REV3L: variants seen among roughly 807,000 people sequenced by gnomAD.
REV3L encodes REV3 like, DNA directed polymerase zeta catalytic subunit.
Under a neutral mutation model 299.4 loss-of-function variants are expected in REV3L, and 69 were observed. That is an observed-to-expected ratio of 0.23 (90% confidence interval 0.19 to 0.28). REV3L has a LOEUF of 0.28. REV3L is among the 10% of genes least tolerant of loss of function. The probability of loss-of-function intolerance (pLI) is 1.00; values close to 1 mark genes in which losing one functional copy is unlikely to be tolerated. For synonymous variants in REV3L, 1,238 were observed against 1,271.4 expected (o/e 0.97, Z 0.56); for missense variants, 3,128 against 3,693.8 (o/e 0.85, Z 3.97).
chr6:111,434,705 A>C (rs765430689), intron 1 of REV3L, among the ~76,000 whole-genome samples: 15 of 152,144 alleles, frequency 9.9e-5, no homozygotes, highest in Non-Finnish European at 1.8e-4. Context: ...ATATACACCA[A>C]CAGCAAACAA....
At chr6:111,425,558 G>A (rs915213942) in intron 1 of REV3L, among the ~76,000 whole-genome samples, 4 of 152,128 alleles carry the variant, frequency 2.6e-5, no homozygotes, top group African/African-American at 9.6e-5. Context: ...TGGGTAGAGA[G>A]GAATCTAACT....
Position 111,351,548 on chromosome 6 carries a change from A to G in REV3L, c.7300+128T>C, listed in dbSNP as rs984004919. ...TTTTTCTACAATGGAGTTATGCTAT[A>G]TCTAAAACTTACACAACTTAGTACT... On this transcript the variant is annotated intron_variant, in intron 19 of 31. Coordinates refer to ENST00000368802, the MANE Select transcript of REV3L (RefSeq NM_001372078.1). 12 of 574,572 alleles carry G rather than the reference A, an allele frequency of 2.1e-5. No individual in the cohort carries two copies. The South Asian group carries it at 3.1e-4, about 15-fold the overall frequency. 35.6% of individuals were successfully genotyped at this position (574,572 alleles called of 1,614,324 possible).
chr6:111,406,292 C>T (rs540630104), intron 3 of REV3L, among the ~76,000 whole-genome samples: 1 of 152,212 alleles, frequency 6.6e-6, no homozygotes, highest in South Asian at 2.1e-4. Flanking sequence ...CACGAGAAAA[C>T]ACGGCTTATT....
At chr6:111,477,775 A>G (rs1473218695) in intron 1 of REV3L, among the ~76,000 whole-genome samples, 4 of 152,236 alleles carry the variant, frequency 2.6e-5, no homozygotes, top group African/African-American at 9.6e-5. Flanking sequence ...GGGTGATGTA[A>G]TCAGGTTTGC....
intron 1 of REV3L, among the ~76,000 whole-genome samples, chr6:111,450,504 A>AAC (rs1789396004): frequency 6.7e-6 from 1 of 149,826 alleles, no homozygotes; most frequent in African/African-American, 2.4e-5. Context: ...AAAAAAAAAA[A>AAC]AACCAAAAAA....
At chr6:111,351,915 G>A in intron 18 of REV3L, 124 bp from the exon 19 acceptor site, 1 of 585,798 alleles carries the variant, frequency 1.7e-6, no homozygotes, top group Admixed American at 3.2e-5. Flanking sequence ...GTGCCCAGAT[G>A]GAGAAGGGAT....
intron 22 of REV3L, 119 bp downstream of exon 22, chr6:111,335,350 C>T (rs1309301639): frequency 9.1e-7 from 1 of 1,097,462 alleles, no homozygotes; most frequent in African/African-American, 1.6e-5. Context: ...GATTTAATTA[C>T]CCAGCTATTG....
At chr6:111,328,095 G>A (rs1775024256) in intron 25 of REV3L, among the ~76,000 whole-genome samples, 1 of 151,870 alleles carries the variant, frequency 6.6e-6, no homozygotes, top group South Asian at 2.1e-4. Flanking sequence ...ACACTATATT[G>A]TATTTGTATC....
At chr6:111,414,168 C>T (rs1784534080) in intron 2 of REV3L, among the ~76,000 whole-genome samples, 1 of 151,912 alleles carries the variant, frequency 6.6e-6, no homozygotes, top group Admixed American at 6.6e-5. Flanking sequence ...AAATAATGGG[C>T]TGAGATACAG....
intron 18 of REV3L, chr6:111,356,675 T>C (rs1342736817): frequency 1.3e-5 from 2 of 156,498 alleles, no homozygotes; most frequent in African/African-American, 2.4e-5. Flanking sequence ...TAATGAATAA[T>C]ACAATGGAAC....
At chr6:111,381,582 A>G in intron 9 of REV3L, 138 bp from the exon 10 acceptor site, 2 of 675,424 alleles carry the variant, frequency 3.0e-6, no homozygotes, top group Non-Finnish European at 4.9e-6. Flanking sequence ...CATGCCAAAT[A>G]AAAACATAAT....
At chr6:111,306,369 G>A (rs1562480391) in intron 31 of REV3L, among the ~76,000 whole-genome samples, 1 of 152,168 alleles carries the variant, frequency 6.6e-6, no homozygotes. Context: ...GGTCGAGGTA[G>A]AGTGTGACAG....
chr6:111,404,955 T>C (rs1399686012), intron 4 of REV3L, among the ~76,000 whole-genome samples: 1 of 152,140 alleles, frequency 6.6e-6, no homozygotes, highest in African/African-American at 2.4e-5. Context: ...TCTGGAATGC[T>C]GAGAGACCAA....
At position 111,381,317 on chromosome 6, in the gene REV3L, T is replaced by A; in HGVS notation, c.1216+8A>T. 1.9e-6 allele frequency: 3 copies of A among 1,613,196 alleles called. No homozygotes were observed. The highest frequency in any genetic ancestry group is 2.5e-6 in the Non-Finnish European group (3 of 1,179,756). ...ATACTGAATATTTATGGTAGCACTG[T>A]TACTTACTGAAAACAGGTGACTCAC... On this transcript the variant is annotated splice_region_variant and intron_variant, in intron 10 of 31. Transcript: ENST00000368802.
In REV3L at chr6:111,343,914, T is replaced by C. The variant is rs752755075; in HGVS notation, c.7538+11A>G. 12 of 1,467,758 alleles carry C rather than the reference T, an allele frequency of 8.2e-6. No homozygotes were observed. Among genetic ancestry groups the C allele is most frequent in the South Asian group, 1.2e-5 (1 of 82,346 alleles). 90.9% of individuals were successfully genotyped at this position (1,467,758 alleles called of 1,614,324 possible). ...TTTTATATTACCTTCTTCAGAGTTA[T>C]AGAACAGTACCTGTATAGATCTGTC... On this transcript the variant is annotated intron_variant, in intron 21 of 31. Coordinates refer to ENST00000368802, the MANE Select transcript of REV3L (RefSeq NM_001372078.1).
intron 26 of REV3L, chr6:111,315,636 G>GA (rs1255168626): frequency 9.2e-6 from 4 of 435,060 alleles, no homozygotes; most frequent in Non-Finnish European, 1.7e-5. Context: ...CAGTAGTCAA[G>GA]AAAGTCCTGG....
intron 1 of REV3L, among the ~76,000 whole-genome samples, chr6:111,440,299 C>A (rs985929653): frequency 1.3e-5 from 2 of 152,192 alleles, no homozygotes; most frequent in African/African-American, 2.4e-5. Flanking sequence ...AAACTCCCAA[C>A]CTCAGGTGAT....
At position 111,376,875 on chromosome 6, in the gene REV3L, G is replaced by A. The variant is rs1780371552; in HGVS notation, c.1598-118C>T. ...AAAAAATTACATCAAATTAAGTTTG[G>A]TTATCTTAACAAAAAGGTAATGCTT... On this transcript the variant is annotated intron_variant, in intron 12 of 31. Coordinates refer to ENST00000368802, the MANE Select transcript of REV3L (RefSeq NM_001372078.1). 4 of 762,678 alleles carry A rather than the reference G, an allele frequency of 5.2e-6. No individual in the cohort carries two copies. The East Asian group carries it at 1.1e-4, about 22-fold the overall frequency. 47.2% of individuals were successfully genotyped at this position (762,678 alleles called of 1,614,324 possible).
chr6:111,364,512 G>C (rs887764979), intron 15 of REV3L, among the ~76,000 whole-genome samples: 2 of 151,706 alleles, frequency 1.3e-5, no homozygotes, highest in African/African-American at 2.4e-5. Context: ...TCTATTAACT[G>C]TTTTCCCCAA....
Sources: gnomAD v4.1 joint callset for allele counts (sites outside exome capture counted in the v4.1 genomes callset) on GRCh38, gnomAD v4.1.1 for gene constraint, MANE v1.5 for transcripts, NCBI Gene and HGNC (gene_info 2026-07-23, HGNC 2026-07-21) for gene names.